CFAP95: variants seen among roughly 807,000 people sequenced by gnomAD.
CFAP95 encodes cilia- and flagella-associated protein 95.
At chr9:69,847,352 A>G in the CFAP95 span, among the ~76,000 whole-genome samples, 1 of 152,216 alleles carries the variant, frequency 6.6e-6, no homozygotes, top group Non-Finnish European at 1.5e-5. Context: ...GAGGGAGCTG[A>G]GAACAAGTGA....
the CFAP95 span, among the ~76,000 whole-genome samples, chr9:69,841,955 G>A: frequency 1.3e-5 from 2 of 152,128 alleles, no homozygotes; most frequent in African/African-American, 2.4e-5. Context: ...AGATTTGTGT[G>A]GGGACATAGC....
the CFAP95 span, among the ~76,000 whole-genome samples, chr9:69,827,267 T>C: frequency 1.8e-4 from 27 of 152,204 alleles, no homozygotes; most frequent in Non-Finnish European, 3.4e-4. Flanking sequence ...GCATTTAAGA[T>C]GATGTAATAG....
the CFAP95 span, among the ~76,000 whole-genome samples, chr9:69,875,875 C>T: frequency 6.6e-6 from 1 of 152,132 alleles, no homozygotes; most frequent in Non-Finnish European, 1.5e-5. Context: ...TATCCATTTT[C>T]TTGCAGGACA....
chr9:69,873,064 G>T, the CFAP95 span, among the ~76,000 whole-genome samples: 1 of 152,160 alleles, frequency 6.6e-6, no homozygotes, highest in Non-Finnish European at 1.5e-5. Context: ...GTGGCTATGG[G>T]TGTCAAAGCC....
the CFAP95 span, among the ~76,000 whole-genome samples, chr9:69,868,406 C>T: frequency 2.1e-3 from 322 of 152,134 alleles, 2 homozygotes; most frequent in African/African-American, 7.3e-3. Context: ...TGTCATGGCC[C>T]CAGCACTTTG....
chr9:69,828,296 G>C, the CFAP95 span, among the ~76,000 whole-genome samples: 1 of 152,156 alleles, frequency 6.6e-6, no homozygotes, highest in Non-Finnish European at 1.5e-5. Flanking sequence ...TTAAAGGCTG[G>C]CTCAGTAAAG....
At chr9:69,896,385 A>T in the CFAP95 span, among the ~76,000 whole-genome samples, 3 of 152,308 alleles carry the variant, frequency 2.0e-5, no homozygotes, top group African/African-American at 7.2e-5. Flanking sequence ...AAGTCAATTT[A>T]TTTGTGAAGT....
the CFAP95 span, among the ~76,000 whole-genome samples, chr9:69,831,722 A>G: frequency 1.3e-5 from 2 of 152,090 alleles, no homozygotes; most frequent in African/African-American, 4.8e-5. Flanking sequence ...CCTGGTTCCT[A>G]GGATCCCCAA....
the CFAP95 span, among the ~76,000 whole-genome samples, chr9:69,900,265 C>A: frequency 7.2e-5 from 11 of 152,138 alleles, no homozygotes; most frequent in African/African-American, 2.4e-4. Context: ...TTTCTCTCCT[C>A]ATGACTATTG....
At chr9:69,883,216 G>T in the CFAP95 span, among the ~76,000 whole-genome samples, 1 of 152,140 alleles carries the variant, frequency 6.6e-6, no homozygotes, top group African/African-American at 2.4e-5. Context: ...CCTGAGAGGG[G>T]CTTCTGGCCG....
At chr9:69,872,258 G>C in the CFAP95 span, among the ~76,000 whole-genome samples, 1 of 152,154 alleles carries the variant, frequency 6.6e-6, no homozygotes, top group Non-Finnish European at 1.5e-5. Flanking sequence ...ATATCTTTCA[G>C]AGTACTTTCA....
chr9:69,822,796 G>A, the CFAP95 span, among the ~76,000 whole-genome samples: 16 of 152,316 alleles, frequency 1.1e-4, no homozygotes, highest in South Asian at 2.1e-3. Context: ...CATTCCAGCC[G>A]CTGCTGAAAA....
the CFAP95 span, among the ~76,000 whole-genome samples, chr9:69,838,605 T>C: frequency 6.6e-6 from 1 of 151,828 alleles, no homozygotes; most frequent in African/African-American, 2.4e-5. Context: ...TTCGCTGAAG[T>C]TGCTTATCAG....
At chr9:69,832,480 C>T in the CFAP95 span, among the ~76,000 whole-genome samples, 1 of 152,144 alleles carries the variant, frequency 6.6e-6, no homozygotes, top group Middle Eastern at 3.2e-3. Flanking sequence ...GACAAATGAG[C>T]AGGTCAAGGT....
chr9:69,839,992 G>A, the CFAP95 span, among the ~76,000 whole-genome samples: 3 of 151,214 alleles, frequency 2.0e-5, no homozygotes, highest in African/African-American at 4.9e-5. Flanking sequence ...GAGGAGAATC[G>A]CTTGAACCCA....
At chr9:69,860,932 T>C in the CFAP95 span, among the ~76,000 whole-genome samples, 318 of 152,280 alleles carry the variant, frequency 2.1e-3, 2 homozygotes, top group African/African-American at 7.2e-3. Flanking sequence ...GGATACCTCC[T>C]GTAGGACCTG....
At chr9:69,892,496 G>T in the CFAP95 span, among the ~76,000 whole-genome samples, 1 of 152,216 alleles carries the variant, frequency 6.6e-6, no homozygotes, top group African/African-American at 2.4e-5. Context: ...ACTCTCCAAA[G>T]AGGAATTGCC....
chr9:69,879,433 G>C, the CFAP95 span, among the ~76,000 whole-genome samples: 2 of 152,134 alleles, frequency 1.3e-5, no homozygotes, highest in African/African-American at 4.8e-5. Flanking sequence ...AGCACAGTTT[G>C]GGTTTTATGC....
At chr9:69,881,400 G>A in the CFAP95 span, among the ~76,000 whole-genome samples, 1 of 152,168 alleles carries the variant, frequency 6.6e-6, no homozygotes, top group Non-Finnish European at 1.5e-5. Context: ...AGTTTCCCCA[G>A]CACCGTTTGT....
Sources: allele counts gnomAD v4.1 joint callset (sites outside exome capture counted in the v4.1 genomes callset), GRCh38; gene constraint gnomAD v4.1.1; transcripts MANE v1.5; gene names NCBI Gene and HGNC (gene_info 2026-07-23, HGNC 2026-07-21).